SLC24A2: variants seen among roughly 807,000 people sequenced by gnomAD.
The protein encoded by SLC24A2 is solute carrier family 24 member 2, also known as sodium/potassium/calcium exchanger 2.
SLC24A2 carries 36 observed loss-of-function variants against 62.0 expected under a neutral mutation model. The ratio of observed to expected loss-of-function variants is 0.58; its 90% CI spans 0.44 to 0.77. The LOEUF is 0.77. SLC24A2 is among the 30% of genes least tolerant of loss of function. The pLI, the probability that SLC24A2 is intolerant of heterozygous loss-of-function variation, is 0.00. For synonymous variants in SLC24A2, 358 were observed against 294.0 expected, an observed-to-expected ratio of 1.22 and a Z score of -2.23; for missense variants, 846 against 817.9, an observed-to-expected ratio of 1.03 and a Z score of -0.42.
At chr9:19,769,147 C>G (rs1379386011) in intron 2 of SLC24A2, among the ~76,000 whole-genome samples, 1 of 152,186 alleles carries the variant, frequency 6.6e-6, no homozygotes, top group Non-Finnish European at 1.5e-5. Context: ...CTCCTGAAGT[C>G]TTCCCCTTTT....
At chr9:20,127,311 T>C in the SLC24A2 span, among the ~76,000 whole-genome samples, 1 of 152,104 alleles carries the variant, frequency 6.6e-6, no homozygotes, top group African/African-American at 2.4e-5. Flanking sequence ...GATTTTAATA[T>C]TTTTTTGAAA....
At chr9:19,614,534 C>A (rs1174456515) in intron 4 of SLC24A2, among the ~76,000 whole-genome samples, 1 of 152,202 alleles carries the variant, frequency 6.6e-6, no homozygotes, top group South Asian at 2.1e-4. Context: ...TCACCATGTT[C>A]TTTGGTATTC....
rs7030428 is a variant in SLC24A2 at position 19,706,663 on chromosome 9, C to G, written c.930+79274G>C. On this transcript the variant is annotated intron_variant, in intron 2 of 10. Transcript: ENST00000341998. ...AAAGTGCTGGGATTACAGGCGTGAG[C>G]CACCGCGCCCGGCCGGGTCTTGATT... 4.7e-3 allele frequency among the ~76,000 whole-genome samples: 717 copies of G among 152,232 alleles called. 4 individuals carry two copies. The highest frequency in any genetic ancestry group is 0.016 in the African/African-American group (680 of 41,528).
chr9:20,101,223 C>A, the SLC24A2 span, among the ~76,000 whole-genome samples: 16,884 of 152,278 alleles, frequency 0.11, 989 homozygotes, highest in Middle Eastern at 0.17. Flanking sequence ...TGAAGGTCGG[C>A]AACGATGCCC....
At chr9:20,006,630 T>C in the SLC24A2 span, among the ~76,000 whole-genome samples, 12 of 151,898 alleles carry the variant, frequency 7.9e-5, no homozygotes, top group South Asian at 2.1e-4. Context: ...AAAATAAAAA[T>C]AAAAATATTC....
chr9:19,819,455 A>G, the SLC24A2 span, among the ~76,000 whole-genome samples: 2 of 152,194 alleles, frequency 1.3e-5, no homozygotes, highest in African/African-American at 4.8e-5. Context: ...TACATCTGAC[A>G]AAGCACTAAT....
the SLC24A2 span, among the ~76,000 whole-genome samples, chr9:20,220,257 T>C: frequency 6.6e-6 from 1 of 152,142 alleles, no homozygotes; most frequent in Non-Finnish European, 1.5e-5. Flanking sequence ...CTTTCCTTCT[T>C]TGTCATTCTA....
intron 3 of SLC24A2, 100 bp downstream of exon 3, chr9:19,622,161 A>G: frequency 9.8e-6 from 9 of 913,966 alleles, no homozygotes; most frequent in Non-Finnish European, 1.6e-5. Context: ...TCCAAGGGAG[A>G]GAGTAATGTG....
chr9:20,157,889 T>C, the SLC24A2 span, among the ~76,000 whole-genome samples: 3 of 151,530 alleles, frequency 2.0e-5, no homozygotes, highest in Non-Finnish European at 3.0e-5. Flanking sequence ...CTAGAAATCC[T>C]GTCCACAAAA....
the SLC24A2 span, among the ~76,000 whole-genome samples, chr9:19,985,088 T>C: frequency 1.3e-5 from 2 of 151,646 alleles, no homozygotes; most frequent in South Asian, 2.1e-4. Flanking sequence ...ATAACAAATA[T>C]TGAGGATTTA....
At chr9:20,225,576 T>TATATATATAATATATATATA in the SLC24A2 span, among the ~76,000 whole-genome samples, 2 of 126,442 alleles carry the variant, frequency 1.6e-5, no homozygotes, top group African/African-American at 7.3e-5. Context: ...ATATATATAA[T>TATATATATAATATATATATA]TTCATTTAAA....
the SLC24A2 span, among the ~76,000 whole-genome samples, chr9:19,886,773 T>C: frequency 6.6e-6 from 1 of 152,216 alleles, no homozygotes; most frequent in Non-Finnish European, 1.5e-5. Flanking sequence ...TGCAGCACTA[T>C]TCACAATAGT....
chr9:19,667,834 G>A (rs193145984), intron 2 of SLC24A2, among the ~76,000 whole-genome samples: 10 of 152,152 alleles, frequency 6.6e-5, no homozygotes, highest in East Asian at 5.8e-4. Flanking sequence ...CTCTCTGCCT[G>A]GAAATGTTTT....
chr9:19,516,135 A>G lies in SLC24A2; in HGVS notation c.*18T>C, dbSNP rs770870913. The G allele has an allele frequency of 8.7e-6, 14 of 1,614,028 alleles. No individual in the cohort carries two copies. The highest frequency in any genetic ancestry group is 1.7e-5 in the Admixed American group (1 of 60,024). On this transcript the variant is annotated 3_prime_UTR_variant, in exon 11 of 11. Transcript: ENST00000341998. ...GAGGGACCATTCATGCTGCTGGTGC[A>G]AGATATGGCTTTTCCTGCTAGATGG...
the SLC24A2 span, among the ~76,000 whole-genome samples, chr9:19,911,164 G>A: frequency 8.8e-5 from 13 of 147,832 alleles, no homozygotes; most frequent in East Asian, 1.6e-3. Context: ...GAGAACATGC[G>A]GTGTTTAGTT....
At chr9:19,920,557 A>G in the SLC24A2 span, among the ~76,000 whole-genome samples, 390 of 152,204 alleles carry the variant, frequency 2.6e-3, no homozygotes, top group African/African-American at 8.9e-3. Flanking sequence ...CTGAGGGCCA[A>G]CGTACCGCTA....
the SLC24A2 span, among the ~76,000 whole-genome samples, chr9:20,159,003 G>T: frequency 1.3e-5 from 2 of 151,594 alleles, no homozygotes; most frequent in African/African-American, 4.8e-5. Context: ...CAAATTATCT[G>T]TGAGGGCAAA....
chr9:19,779,337 G>A lies in SLC24A2; in HGVS notation c.930+6600C>T, dbSNP rs576508490. Among the ~76,000 whole-genome samples the A allele has an allele frequency of 1.1e-4, 17 of 152,104 alleles. No individual in the cohort carries two copies. The South Asian group carries it at 3.5e-3, about 32-fold the overall frequency. On this transcript the variant is annotated intron_variant, in intron 2 of 10. Transcript: ENST00000341998. Reference sequence around the variant, plus strand: ...TTAAGGAAAATGCCAAACACTCAAAGCAAAAACCTTAAAAGTAGTAAAGGA... The same window carrying A: ...TTAAGGAAAATGCCAAACACTCAAAACAAAAACCTTAAAAGTAGTAAAGGA...
the SLC24A2 span, among the ~76,000 whole-genome samples, chr9:20,059,930 G>C: frequency 1.3e-5 from 2 of 151,968 alleles, no homozygotes; most frequent in Admixed American, 6.6e-5. Flanking sequence ...AAAAAAGGGA[G>C]AGAAGATGCA....
Sources: gnomAD v4.1 joint callset for allele counts (sites outside exome capture counted in the v4.1 genomes callset) on GRCh38, gnomAD v4.1.1 for gene constraint, MANE v1.5 for transcripts, NCBI Gene and HGNC (gene_info 2026-07-23, HGNC 2026-07-21) for gene names.